NLRP5: variants seen among roughly 807,000 people sequenced by gnomAD.
The protein encoded by NLRP5 is NLR family pyrin domain containing 5, also known as NACHT, LRR and PYD domains-containing protein 5.
Under a neutral mutation model 113.1 loss-of-function variants are expected in NLRP5, and 93 were observed. The ratio of observed to expected loss-of-function variants is 0.82; its 90% CI spans 0.70 to 0.98. The LOEUF is 0.98. Ranked by LOEUF, NLRP5 falls within the 50% of genes least tolerant of loss-of-function variation. NLRP5 has a pLI of 0.00. For synonymous variants in NLRP5, 751 were observed against 600.7 expected (o/e 1.25, Z -3.66); for missense variants, 1,808 against 1,514.3 (o/e 1.19, Z -3.22).
intron 2 of NLRP5, 79 bp downstream of exon 2, chr19:56,004,174 G>T (rs1056887424): frequency 6.9e-7 from 1 of 1,450,292 alleles, no homozygotes; most frequent in East Asian, 2.3e-5. Context: ...AAGAATCGTT[G>T]TTCAGTAACC....
intron 6 of NLRP5, among the ~76,000 whole-genome samples, chr19:56,026,045 G>C (rs1599890865): frequency 6.6e-6 from 1 of 152,070 alleles, no homozygotes; most frequent in African/African-American, 2.4e-5. Flanking sequence ...AGGGACATCG[G>C]GTTGAACAAG....
chr19:56,025,817 A>T (rs1443010463), intron 6 of NLRP5, among the ~76,000 whole-genome samples: 1 of 151,202 alleles, frequency 6.6e-6, no homozygotes, highest in Non-Finnish European at 1.5e-5. Context: ...GGGCCATGGT[A>T]CATGCATCCG....
the NLRP5 span, among the ~76,000 whole-genome samples, chr19:55,993,455 CTCT>C: frequency 4.3e-3 from 2 of 462 alleles, no homozygotes; most frequent in Non-Finnish European, 6.8e-3. Context: ...CCTCTCCCCC[CTCT>C]CTCCCCCCTC....
rs529864163 is a variant in NLRP5, at chr19:56,060,419, C to T, written c.3471-977C>T. On this transcript the variant is annotated intron_variant, in intron 14 of 14. Coordinates refer to ENST00000390649, the MANE Select transcript of NLRP5 (RefSeq NM_153447.4). The stretch of plus-strand genomic sequence containing the variant: ...TTAGAAACTGTGACTTTAAGCAAAA[C>T]GACATATAATGAAACCAATGTTTTC... Among the ~76,000 whole-genome samples, 6 of 152,146 alleles carry T rather than the reference C, an allele frequency of 3.9e-5. No homozygotes were observed. The South Asian group carries it at 6.2e-4, about 16-fold the overall frequency.
intron 7 of NLRP5, among the ~76,000 whole-genome samples, chr19:56,032,361 G>A (rs1006941444): frequency 2.8e-4 from 38 of 135,996 alleles, no homozygotes; most frequent in Admixed American, 2.5e-3. Context: ...AAAAAAAAAA[G>A]ATCTGATTCA....
the NLRP5 span, among the ~76,000 whole-genome samples, chr19:55,986,789 T>TG: frequency 6.6e-6 from 1 of 151,962 alleles, no homozygotes; most frequent in Non-Finnish European, 1.5e-5. Flanking sequence ...GGCCCAGAGC[T>TG]GGACCTGCTC....
intron 3 of NLRP5, among the ~76,000 whole-genome samples, chr19:56,014,391 A>G (rs1010852147): frequency 1.3e-5 from 2 of 151,812 alleles, no homozygotes; most frequent in African/African-American, 2.4e-5. Context: ...GAGGCAGGGG[A>G]ATCGCTTGAA....
At chr19:55,990,065 T>TTTTTTTCTTTTTTC in the NLRP5 span, among the ~76,000 whole-genome samples, 1 of 119,596 alleles carries the variant, frequency 8.4e-6, no homozygotes, top group East Asian at 2.7e-4. Flanking sequence ...TGCCGTTTCT[T>TTTTTTTCTTTTTTC]TTTTTTCTTT....
chr19:56,056,199 G>A (rs1481277414), intron 13 of NLRP5, among the ~76,000 whole-genome samples: 1 of 152,090 alleles, frequency 6.6e-6, no homozygotes, highest in African/African-American at 2.4e-5. Flanking sequence ...TACTAGGAAA[G>A]CCCTAAATCT....
At chr19:56,024,756 T>A (rs1170902842) in intron 6 of NLRP5, among the ~76,000 whole-genome samples, 3 of 142,904 alleles carry the variant, frequency 2.1e-5, no homozygotes, top group Admixed American at 1.4e-4. Context: ...CAACTGTGTC[T>A]CAAAAAAAAA....
intron 4 of NLRP5, 138 bp from the exon 5 acceptor site, chr19:56,019,204 C>A (rs955320040): frequency 3.5e-5 from 33 of 930,956 alleles, no homozygotes; most frequent in African/African-American, 3.5e-4. Flanking sequence ...ACTCTGTCTT[C>A]TAGCTGAGAC....
chr19:56,038,121 C>CA lies in NLRP5; in HGVS notation c.2714dup (p.Val906GlyfsTer11). 6.2e-7 allele frequency: 1 copy of CA among 1,614,008 alleles called. No individual in the cohort carries two copies. The highest frequency in any genetic ancestry group is 8.5e-7 in the Non-Finnish European group (1 of 1,179,872). On this transcript the variant is annotated frameshift_variant, in exon 10 of 15. Transcript: ENST00000390649. LOFTEE classifies it high-confidence loss of function. ...TGAAATCTCTGAGCCTGGCAGGAAA[C>CA]AAGGTGACAGACCAGGGAGTAATGC...
intron 5 of NLRP5, 94 bp from the exon 6 acceptor site, chr19:56,020,281 A>C: frequency 1.3e-6 from 2 of 1,482,010 alleles, no homozygotes; most frequent in South Asian, 2.3e-5. Context: ...CTGGCCAGAA[A>C]ATAAATATGG....
chr19:55,998,698 A>ATGTG (rs1981447817), upstream of NLRP5, among the ~76,000 whole-genome samples: 2 of 76,074 alleles, frequency 2.6e-5, no homozygotes, highest in Non-Finnish European at 5.3e-5. Flanking sequence ...ATATATATAT[A>ATGTG]TATATGTGTG....
chr19:56,055,376 T>C (rs1265904238), intron 13 of NLRP5, among the ~76,000 whole-genome samples: 2 of 151,948 alleles, frequency 1.3e-5, no homozygotes, highest in African/African-American at 2.4e-5. Context: ...TCTTTCTACG[T>C]GGTCATGTCC....
chr19:56,025,128 A>G (rs1982788423), intron 6 of NLRP5, among the ~76,000 whole-genome samples: 1 of 152,138 alleles, frequency 6.6e-6, no homozygotes, highest in Non-Finnish European at 1.5e-5. Flanking sequence ...GTAGGAAAAC[A>G]AGCTCAGGCT....
In NLRP5 at chr19:56,045,358, C is replaced by T. The variant is rs556597214; in HGVS notation, c.2957+4266C>T. On this transcript the variant is annotated intron_variant, in intron 11 of 14. Transcript: ENST00000390649. The stretch of plus-strand genomic sequence containing the variant: ...GGCTGTGTATTCACTTGGGTGTGAG[C>T]GGGCTGAGTCTGAAAAGAGAGTCAG... Among the ~76,000 whole-genome samples, 19 of 152,146 alleles carry T rather than the reference C, an allele frequency of 1.2e-4. No individual in the cohort carries two copies. In the South Asian group the frequency reaches 3.5e-3, roughly 28 times the overall value.
intron 2 of NLRP5, 136 bp downstream of exon 2, chr19:56,004,231 T>A: frequency 1.1e-6 from 1 of 926,590 alleles, no homozygotes; most frequent in South Asian, 1.7e-5. Flanking sequence ...AGGATCCTAT[T>A]GGTCATCGTC....
Position 56,032,631 on chromosome 19 carries a change from T to C in NLRP5, c.2297T>C (p.Ile766Thr), listed in dbSNP as rs554331880. Reference sequence around the variant, plus strand: ...CATAGGATGCGGGATAAGACCCTCATTGAGGAGCAGTGGGAAGATTTCTGC... The same window carrying C: ...CATAGGATGCGGGATAAGACCCTCACTGAGGAGCAGTGGGAAGATTTCTGC... The change falls in exon 8 of 15, where the codon ATT (isoleucine) becomes ACT (threonine). Residue 766 changes from isoleucine to threonine, a missense_variant. Coordinates refer to ENST00000390649, the MANE Select transcript of NLRP5 (RefSeq NM_153447.4). The C allele has an allele frequency of 1.4e-4, 225 of 1,613,560 alleles. 1 individual carries two copies. In the South Asian group the frequency reaches 1.5e-3, roughly 11 times the overall value.
Sources: allele counts gnomAD v4.1 joint callset (sites outside exome capture counted in the v4.1 genomes callset), GRCh38; gene constraint gnomAD v4.1.1; transcripts MANE v1.5; gene names NCBI Gene and HGNC (gene_info 2026-07-23, HGNC 2026-07-21).